Variants in ITGAL observed in about 807,000 individuals in gnomAD.
ITGAL encodes the protein integrin subunit alpha L, also known as integrin alpha-L.
In ITGAL, 68 loss-of-function variants were observed where a neutral mutation model predicts 138.4. The ratio of observed to expected loss-of-function variants is 0.49; its 90% CI spans 0.40 to 0.60. The LOEUF is 0.60. Ranked by LOEUF, ITGAL falls within the 20% of genes least tolerant of loss-of-function variation. ITGAL has a pLI of 0.00. For synonymous variants in ITGAL, 561 were observed against 584.3 expected, an observed-to-expected ratio of 0.96 and a Z score of 0.57; for missense variants, 1,256 against 1,478.6, an observed-to-expected ratio of 0.85 and a Z score of 2.47.
intron 9 of ITGAL, chr16:30,488,869 C>G (rs2050684083): frequency 1.8e-6 from 1 of 557,334 alleles, no homozygotes; most frequent in African/African-American, 1.9e-5. Flanking sequence ...AGAGCAAGAC[C>G]TTGTTTCAAC....
chr16:30,510,869 CT>C lies in ITGAL; in HGVS notation c.2620-9del. The C allele has an allele frequency of 6.2e-7, 1 of 1,612,912 alleles. No individual in the cohort carries two copies. Among genetic ancestry groups the C allele is most frequent in the African/African-American group, 1.3e-5 (1 of 74,982 alleles). On this transcript the variant is annotated splice_polypyrimidine_tract_variant and intron_variant, in intron 22 of 30. Coordinates refer to ENST00000356798, the MANE Select transcript of ITGAL (RefSeq NM_002209.3). ...ACCCTTCCATTTCCATTGCCCTCTC[CT>C]TTCCTGCCAGGTTGCTCTGCAGATG...
At chr16:30,493,396 C>A (rs2050753604) in intron 11 of ITGAL, among the ~76,000 whole-genome samples, 1 of 151,860 alleles carries the variant, frequency 6.6e-6, no homozygotes, top group Admixed American at 6.6e-5. Flanking sequence ...CCTGTCTCAG[C>A]CTCCCAAGTA....
chr16:30,483,775 C>A, intron 7 of ITGAL, 52 bp from the exon 8 acceptor site: 1 of 1,560,480 alleles, frequency 6.4e-7, no homozygotes, highest in Non-Finnish European at 8.7e-7. Context: ...GGGAAAGAGA[C>A]CTCAGGCCCT....
At chr16:30,517,775 C>G (rs755892293) in intron 27 of ITGAL, 22 bp from the exon 28 acceptor site, 2 of 1,613,796 alleles carry the variant, frequency 1.2e-6, no homozygotes, top group South Asian at 2.2e-5. Context: ...CGCCCTGACC[C>G]CGCTTTCCTC....
At chr16:30,481,609 A>T in intron 7 of ITGAL, 25 bp downstream of exon 7, 1 of 1,611,152 alleles carries the variant, frequency 6.2e-7, no homozygotes, top group Non-Finnish European at 8.5e-7. Flanking sequence ...GCAGGAGAGC[A>T]CGTGTCCTGT....
At chr16:30,485,677 AAT>A (rs1491497174) in intron 9 of ITGAL, among the ~76,000 whole-genome samples, 2 of 34,606 alleles carry the variant, frequency 5.8e-5, no homozygotes, top group Admixed American at 7.7e-4. Context: ...ACACCTGGCT[AAT>A]TTTTTTTTTT....
intron 6 of ITGAL, among the ~76,000 whole-genome samples, chr16:30,479,976 C>T (rs2050530908): frequency 6.6e-6 from 1 of 151,718 alleles, no homozygotes; most frequent in South Asian, 2.1e-4. Flanking sequence ...CAGGGTCTCA[C>T]TGTGTCCCCA....
Position 30,519,980 on chromosome 16 carries a change from G to A in ITGAL, c.3339+13G>A, listed in dbSNP as rs774301708. The A allele has an allele frequency of 2.7e-5, 43 of 1,569,658 alleles. No individual in the cohort carries two copies. The highest frequency in any genetic ancestry group is 4.0e-5 in the African/African-American group (3 of 74,188). On this transcript the variant is annotated intron_variant, in intron 30 of 30. Transcript: ENST00000356798. ...AGTGCTGTACAAGGTGGGTGCCTCC[G>A]GGGGTCACAGGCATTGCTGAGACAG...
At position 30,516,953 on chromosome 16, in the gene ITGAL, T is replaced by A. The variant is rs1478354483; in HGVS notation, c.2863-20T>A. 1.9e-6 allele frequency: 3 copies of A among 1,559,832 alleles called. No individual in the cohort carries two copies. The African/African-American group carries it at 4.1e-5, about 21-fold the overall frequency. On this transcript the variant is annotated intron_variant, in intron 25 of 30. Coordinates refer to ENST00000356798, the MANE Select transcript of ITGAL (RefSeq NM_002209.3). ...GGTGGCTGGCATTCAGGGCTCTGCATCCCTTGTCCTCTGTGCCAGGTGAGG... is the reference window on the plus strand; with the variant it reads ...GGTGGCTGGCATTCAGGGCTCTGCAACCCTTGTCCTCTGTGCCAGGTGAGG...
rs368585380 is a variant in ITGAL at position 30,517,717 on chromosome 16, T to C, written c.3033+12T>C. The stretch of plus-strand genomic sequence containing the variant: ...CGGATGCAGCTGAGGTATGGGCGTG[T>C]GAGCTGAGAGACGGTGGGGCTGGGC... On this transcript the variant is annotated intron_variant, in intron 27 of 30. Coordinates refer to ENST00000356798, the MANE Select transcript of ITGAL (RefSeq NM_002209.3). The C allele has an allele frequency of 4.3e-6, 7 of 1,613,718 alleles. No individual in the cohort carries two copies. Among genetic ancestry groups the C allele is most frequent in the Non-Finnish European group, 5.9e-6 (7 of 1,179,744 alleles).
rs757901894 is a variant in ITGAL at position 30,496,573 on chromosome 16, T to C, written c.1832+7T>C. The C allele has an allele frequency of 1.9e-6, 3 of 1,611,182 alleles. No homozygotes were observed. In the East Asian group the frequency reaches 6.7e-5, roughly 36 times the overall value. ...GCCAGATGATCGTGCTGAGGTGAGA[T>C]GGGTCTCCCAGGTCACACCTGATGA... On this transcript the variant is annotated splice_region_variant and intron_variant, in intron 15 of 30. Coordinates refer to ENST00000356798, the MANE Select transcript of ITGAL (RefSeq NM_002209.3).
intron 21 of ITGAL, 112 bp from the exon 22 acceptor site, chr16:30,510,249 G>A: frequency 1.4e-6 from 1 of 694,794 alleles, no homozygotes; most frequent in South Asian, 1.6e-5. Flanking sequence ...CGCTGAGAAG[G>A]TTCCATGACA....
intron 2 of ITGAL, 48 bp downstream of exon 2, chr16:30,474,346 GC>G: frequency 7.3e-7 from 1 of 1,375,282 alleles, no homozygotes; most frequent in Non-Finnish European, 1.0e-6. Context: ...CCCTGGGGCA[GC>G]CCCCGAGGCG....
chr16:30,498,672 G>A (rs2050839319), intron 15 of ITGAL: 1 of 158,990 alleles, frequency 6.3e-6, no homozygotes, highest in Admixed American at 6.2e-5. Flanking sequence ...CCCAAGCCGG[G>A]AGGATTGCTT....
chr16:30,482,303 A>G (rs932333909), intron 7 of ITGAL, among the ~76,000 whole-genome samples: 2 of 152,180 alleles, frequency 1.3e-5, no homozygotes, highest in Non-Finnish European at 2.9e-5. Context: ...AAATTAAAAA[A>G]GAAGAGCCAG....
chr16:30,513,169 A>G (rs538233531), intron 24 of ITGAL, among the ~76,000 whole-genome samples: 1 of 152,334 alleles, frequency 6.6e-6, no homozygotes, highest in African/African-American at 2.4e-5. Context: ...AAAGGAACCT[A>G]GATGTCCTCA....
intron 9 of ITGAL, 31 bp from the exon 10 acceptor site, chr16:30,489,051 G>T (rs777410655): frequency 6.3e-7 from 1 of 1,590,412 alleles, no homozygotes; most frequent in Admixed American, 1.7e-5. Flanking sequence ...ACTGCTGTTG[G>T]GTCTCACCTG....
At position 30,520,034 on chromosome 16, in the gene ITGAL, G is replaced by C. The variant is rs995320651; in HGVS notation, c.3339+67G>C. ...GGCTGGGGAAGGGGATCTGGTGGGAGCCAGGGAGGAGAATACCAAGCCAGA... is the reference window on the plus strand; with the variant it reads ...GGCTGGGGAAGGGGATCTGGTGGGACCCAGGGAGGAGAATACCAAGCCAGA... On this transcript the variant is annotated intron_variant, in intron 30 of 30. Transcript: ENST00000356798. 10 of 1,217,260 alleles carry C rather than the reference G, an allele frequency of 8.2e-6. No homozygotes were observed. The African/African-American group carries it at 1.2e-4, about 14-fold the overall frequency. 75.4% of individuals were successfully genotyped at this position (1,217,260 alleles called of 1,614,324 possible).
intron 28 of ITGAL, among the ~76,000 whole-genome samples, 160 bp from the exon 29 acceptor site, chr16:30,518,464 A>AT (rs2051203359): frequency 6.6e-6 from 1 of 151,310 alleles, no homozygotes; most frequent in African/African-American, 2.4e-5. Context: ...AAAAAAAAAA[A>AT]TAGAAAGAAA....
Sources: allele counts gnomAD v4.1 joint callset (sites outside exome capture counted in the v4.1 genomes callset), GRCh38; gene constraint gnomAD v4.1.1; transcripts MANE v1.5; gene names NCBI Gene and HGNC (gene_info 2026-07-23, HGNC 2026-07-21).